The following ELL2 variants were observed in gnomAD, a reference collection of about 807,000 sequenced individuals.
ELL2 encodes elongation factor for RNA polymerase II 2, also known as RNA polymerase II elongation factor ELL2.
In ELL2, 21 loss-of-function variants were observed where a neutral mutation model predicts 72.8. That is an observed-to-expected ratio of 0.29 (90% CI 0.20 to 0.42). ELL2 has a LOEUF of 0.42. Ranked by LOEUF, ELL2 falls within the 10% of genes least tolerant of loss-of-function variation. The pLI is 1.00. For missense variants in ELL2, 568 were observed against 772.8 expected, an observed-to-expected ratio of 0.73 and a Z score of 3.14; for synonymous variants, 266 against 283.2, an observed-to-expected ratio of 0.94 and a Z score of 0.61.
intron 2 of ELL2, among the ~76,000 whole-genome samples, chr5:95,937,294 C>T (rs778156028): frequency 1.3e-5 from 2 of 152,120 alleles, no homozygotes; most frequent in Non-Finnish European, 2.9e-5. Context: ...AGTTATTCTC[C>T]CACACTCTGC....
chr5:95,919,683 T>A, intron 2 of ELL2, 138 bp from the exon 3 acceptor site: 2 of 961,942 alleles, frequency 2.1e-6, no homozygotes, highest in Non-Finnish European at 2.9e-6. Flanking sequence ...TCGCAGCATT[T>A]AAATGACCAA....
At chr5:95,961,480 A>G (rs1467889180) in intron 1 of ELL2, 95 bp downstream of exon 1, 14 of 1,330,938 alleles carry the variant, frequency 1.1e-5, no homozygotes, top group Non-Finnish European at 1.3e-5. Flanking sequence ...AGCAGCTGCC[A>G]GCCACGGCTC....
intron 1 of ELL2, among the ~76,000 whole-genome samples, chr5:95,954,033 A>AT (rs1751522313): frequency 6.6e-6 from 1 of 152,192 alleles, no homozygotes. Context: ...TCAAAACCAA[A>AT]TTTTTTTCCC....
chr5:95,961,377 G>A (rs1306992057), intron 1 of ELL2, among the ~76,000 whole-genome samples, 198 bp downstream of exon 1: 2 of 151,658 alleles, frequency 1.3e-5, no homozygotes, highest in East Asian at 3.9e-4. Context: ...CCGCCCGACT[G>A]CCCGCTTCCC....
intron 5 of ELL2, among the ~76,000 whole-genome samples, chr5:95,902,681 A>G (rs1749187432): frequency 6.6e-6 from 1 of 152,240 alleles, no homozygotes; most frequent in Admixed American, 6.5e-5. Context: ...TAAAATTCAA[A>G]TTTGCAAAAT....
At chr5:95,895,296 CTG>C (rs1261540467) in intron 9 of ELL2, among the ~76,000 whole-genome samples, 2 of 152,236 alleles carry the variant, frequency 1.3e-5, no homozygotes, top group Non-Finnish European at 1.5e-5. Flanking sequence ...AAGTGAATGA[CTG>C]TGCATTGATA....
At chr5:95,954,886 CA>C (rs912092179) in intron 1 of ELL2, among the ~76,000 whole-genome samples, 4 of 152,136 alleles carry the variant, frequency 2.6e-5, no homozygotes, top group African/African-American at 9.7e-5. Flanking sequence ...AGTCATCCTG[CA>C]CACCAGGGCC....
chr5:95,912,783 T>G (rs1274888299), intron 4 of ELL2, among the ~76,000 whole-genome samples: 1 of 152,186 alleles, frequency 6.6e-6, no homozygotes, highest in East Asian at 1.9e-4. Context: ...AAGTACTTAT[T>G]AAAGACACTA....
In ELL2 at chr5:95,900,674, T is replaced by C; in HGVS notation, c.954+19A>G. On this transcript the variant is annotated intron_variant, in intron 7 of 11. Transcript: ENST00000237853. ...CCTAATATCTATGTCAGGTCTATAA[T>C]TCTATGTTTATGACATACCTGAGGA... The C allele has an allele frequency of 6.5e-7, 1 of 1,542,948 alleles. No homozygotes were observed. The highest frequency in any genetic ancestry group is 8.8e-7 in the Non-Finnish European group (1 of 1,138,376).
In ELL2 at chr5:95,961,622, G is replaced by A; in HGVS notation, c.100C>T (p.Leu34Phe). The change falls in exon 1 of 12, where the codon CTC (leucine) becomes TTC (phenylalanine). Residue 34 changes from leucine to phenylalanine, a missense_variant. Coordinates refer to ENST00000237853, the MANE Select transcript of ELL2 (RefSeq NM_012081.6). ...AGCGCCCGGATCGCCGTCTCGGTGA[G>A]CTTCACATGCAGTACGGTGATGTTG... Reference protein sequence around the residue: ...QDNITVLHVKLTETAIRALET... With the variant: ...QDNITVLHVKFTETAIRALET... The A allele has an allele frequency of 6.2e-7, 1 of 1,607,668 alleles. No individual in the cohort carries two copies. Among genetic ancestry groups the A allele is most frequent in the Non-Finnish European group, 8.5e-7 (1 of 1,177,694 alleles).
intron 1 of ELL2, among the ~76,000 whole-genome samples, chr5:95,950,441 C>T (rs1414924423): frequency 2.6e-5 from 4 of 152,074 alleles, no homozygotes; most frequent in Non-Finnish European, 5.9e-5. Context: ...GAAAATAGCA[C>T]AAGAAATCAG....
chr5:95,944,851 G>A (rs1221422089), intron 1 of ELL2, among the ~76,000 whole-genome samples: 1 of 152,220 alleles, frequency 6.6e-6, no homozygotes, highest in Non-Finnish European at 1.5e-5. Context: ...GCTCACCAAT[G>A]AAATTTGAAA....
chr5:95,938,814 A>G (rs550828986), intron 2 of ELL2, among the ~76,000 whole-genome samples: 1 of 152,342 alleles, frequency 6.6e-6, no homozygotes, highest in South Asian at 2.1e-4. Flanking sequence ...AAGCAACTAA[A>G]TTAGAAAGAA....
rs550971003 is a variant in ELL2 at position 95,906,765 on chromosome 5, G to A, written c.499C>T (p.Arg167Trp). 29 of 1,611,264 alleles carry A rather than the reference G, an allele frequency of 1.8e-5. No individual in the cohort carries two copies. Among genetic ancestry groups the A allele is most frequent in the Non-Finnish European group, 2.3e-5 (27 of 1,178,164 alleles). ...GPYVGKRVQI[R>W]KAPQAVSDTV... is the part of the protein sequence containing the mutation. ...TCTGAAACAGCTTGAGGTGCTTTCC[G>A]AATTTGCACTCTTTTCCCTAAAGTC... The change falls in exon 5 of 12, where the codon CGG (arginine) becomes TGG (tryptophan). Residue 167 changes from arginine to tryptophan, a missense_variant. Arg to Trp is a moderately radical substitution (Grantham distance 101, BLOSUM62 -3). Around this residue, in one of 2 missense-constraint regions of ELL2, gnomAD observed 511 missense variants for 728.4 expected, o/e 0.70. Transcript: ENST00000237853.
Position 95,910,474 on chromosome 5 carries a change from T to C in ELL2, c.481+3297A>G, listed in dbSNP as rs144741027. 2.7e-3 allele frequency among the ~76,000 whole-genome samples: 413 copies of C among 152,238 alleles called. 1 individual carries two copies. Among genetic ancestry groups the C allele is most frequent in the African/African-American group, 9.6e-3 (397 of 41,520 alleles). On this transcript the variant is annotated intron_variant, in intron 4 of 11. Transcript: ENST00000237853. The stretch of plus-strand genomic sequence containing the variant: ...GTGATTTTTTTTTTTATATCAGTGT[T>C]TACCACTGATATAAATGTCATGAAT...
rs536075265 is a variant in ELL2, at chr5:95,940,823, C to T, written c.195+2179G>A. ...GGCAACATTAAATTATCATGGCTCT[C>T]GAGAAAAACAGAGGAGCAGTGTACA... On this transcript the variant is annotated intron_variant, in intron 2 of 11. Transcript: ENST00000237853. Among the ~76,000 whole-genome samples, 18 of 152,220 alleles carry T rather than the reference C, an allele frequency of 1.2e-4. No individual in the cohort carries two copies. In the East Asian group the frequency reaches 2.5e-3, roughly 21 times the overall value.
rs528969014 is a variant in ELL2, at chr5:95,899,213, G to A, written c.955-403C>T. Among the ~76,000 whole-genome samples, 37 of 152,294 alleles carry A rather than the reference G, an allele frequency of 2.4e-4. 2 individuals are homozygous for A. In the South Asian group the frequency reaches 7.4e-3, roughly 31 times the overall value. On this transcript the variant is annotated intron_variant, in intron 7 of 11. Transcript: ENST00000237853. The stretch of plus-strand genomic sequence containing the variant: ...CAGTCACCCTCCATTGCTGGCTGTG[G>A]TTGACCTAGTTATATTAAATGAGAA...
chr5:95,936,451 T>C (rs976927600), intron 2 of ELL2, among the ~76,000 whole-genome samples: 2 of 152,162 alleles, frequency 1.3e-5, no homozygotes, highest in African/African-American at 2.4e-5. Flanking sequence ...GGAAATTTTA[T>C]AGATAAGAAG....
At chr5:95,914,876 T>C (rs926925651) in intron 3 of ELL2, among the ~76,000 whole-genome samples, 2 of 152,154 alleles carry the variant, frequency 1.3e-5, no homozygotes, top group African/African-American at 2.4e-5. Flanking sequence ...ACACTTTTTA[T>C]TGAAATAATC....
Sources: gnomAD v4.1 joint callset for allele counts (sites outside exome capture counted in the v4.1 genomes callset) on GRCh38, gnomAD v4.1.1 for gene constraint, gnomAD v4.1.1 regional missense constraint, MANE v1.5 for transcripts, NCBI Gene and HGNC (gene_info 2026-07-23, HGNC 2026-07-21) for gene names.